The following FHIT variants were observed in gnomAD, a reference collection of about 807,000 sequenced individuals.
FHIT encodes the protein fragile histidine triad diadenosine triphosphatase.
FHIT carries 19 observed loss-of-function variants against 17.9 expected under a neutral mutation model. The observed-to-expected ratio is 1.06, with a 90% CI of 0.74 to 1.56. FHIT has a LOEUF of 1.56. Among genes scored for constraint, FHIT ranks in the 40% most tolerant of loss-of-function variants. The probability of loss-of-function intolerance (pLI) is 0.00; values close to 1 mark genes in which losing one functional copy is unlikely to be tolerated. For synonymous variants in FHIT, 81 were observed against 69.7 expected, an observed-to-expected ratio of 1.16 and a Z score of -0.81; for missense variants, 248 against 189.2, an observed-to-expected ratio of 1.31 and a Z score of -1.82.
At chr3:60,967,592 G>T (rs1709807521) in intron 3 of FHIT, among the ~76,000 whole-genome samples, 1 of 152,188 alleles carries the variant, frequency 6.6e-6, no homozygotes, top group Non-Finnish European at 1.5e-5. Flanking sequence ...AAGTATAGGG[G>T]ATTTCTGCTA....
intron 5 of FHIT, among the ~76,000 whole-genome samples, chr3:60,390,211 G>A (rs1238801539): frequency 6.6e-6 from 1 of 151,542 alleles, no homozygotes; most frequent in East Asian, 1.9e-4. Flanking sequence ...ACAATATATG[G>A]GTATCAGTAT....
chr3:60,357,416 T>C (rs771669481), intron 5 of FHIT, among the ~76,000 whole-genome samples: 93 of 152,074 alleles, frequency 6.1e-4, no homozygotes, highest in Non-Finnish European at 1.1e-3. Flanking sequence ...GCTAATTTTT[T>C]GTATTTTTAG....
At chr3:60,217,578 C>G (rs6776575) in intron 5 of FHIT, among the ~76,000 whole-genome samples, 9,474 of 152,236 alleles carry the variant, frequency 0.062, 418 homozygotes, top group Middle Eastern at 0.13. Context: ...AGTGGTCCCC[C>G]TTCCTTGTAG....
intron 2 of FHIT, among the ~76,000 whole-genome samples, chr3:61,158,970 T>C (rs1368990891): frequency 6.6e-6 from 1 of 152,240 alleles, no homozygotes; most frequent in Non-Finnish European, 1.5e-5. Flanking sequence ...AGTCCCATGA[T>C]ATTAGACCAA....
At chr3:59,956,975 T>C (rs1707434911) in intron 7 of FHIT, among the ~76,000 whole-genome samples, 2 of 152,346 alleles carry the variant, frequency 1.3e-5, no homozygotes, top group South Asian at 2.1e-4. Context: ...ATATTGATTT[T>C]GAGACTTATT....
intron 8 of FHIT, among the ~76,000 whole-genome samples, chr3:59,856,458 G>A (rs1447957644): frequency 6.6e-6 from 1 of 152,160 alleles, no homozygotes; most frequent in Non-Finnish European, 1.5e-5. Flanking sequence ...CATAGATTCT[G>A]TAAATCAGTA....
At position 60,351,873 on chromosome 3, in the gene FHIT, C is replaced by T. The variant is rs146512660; in HGVS notation, c.103+184987G>A. ...CCTTCCTTCTCAGTCCTAGACCTGGCTAACCCCTGTGCCCTCTAAAGATTT... is the reference window on the plus strand; with the variant it reads ...CCTTCCTTCTCAGTCCTAGACCTGGTTAACCCCTGTGCCCTCTAAAGATTT... On this transcript the variant is annotated intron_variant, in intron 5 of 9. Coordinates refer to ENST00000492590, the MANE Select transcript of FHIT (RefSeq NM_002012.4). 3.1e-3 allele frequency among the ~76,000 whole-genome samples: 476 copies of T among 151,764 alleles called. 1 individual carries two copies. Among genetic ancestry groups the T allele is most frequent in the African/African-American group, 0.011 (451 of 41,408 alleles).
At chr3:60,068,238 A>AAAAACAAAAC (rs879839534) in intron 5 of FHIT, among the ~76,000 whole-genome samples, 1 of 152,164 alleles carries the variant, frequency 6.6e-6, no homozygotes. Context: ...CTGCCTCAAA[A>AAAAACAAAAC]AAAACAAAAC....
intron 5 of FHIT, among the ~76,000 whole-genome samples, chr3:60,182,098 T>C (rs1701964825): frequency 6.6e-6 from 1 of 152,228 alleles, no homozygotes; most frequent in Non-Finnish European, 1.5e-5. Context: ...TTCTAGGCTG[T>C]TGCCATGGCA....
At chr3:59,937,814 C>A (rs1706315818) in intron 7 of FHIT, among the ~76,000 whole-genome samples, 1 of 152,114 alleles carries the variant, frequency 6.6e-6, no homozygotes, top group Non-Finnish European at 1.5e-5. Flanking sequence ...TAATCCAAAT[C>A]CTGCTTTTCT....
intron 7 of FHIT, among the ~76,000 whole-genome samples, chr3:59,958,087 G>A (rs1215201381): frequency 1.3e-5 from 2 of 152,176 alleles, no homozygotes; most frequent in Non-Finnish European, 2.9e-5. Flanking sequence ...ATTCAGCATA[G>A]GTAGCCATAT....
At chr3:60,689,177 T>C (rs1420362604) in intron 4 of FHIT, among the ~76,000 whole-genome samples, 2 of 152,202 alleles carry the variant, frequency 1.3e-5, no homozygotes, top group African/African-American at 4.8e-5. Context: ...AGATGTGACT[T>C]GCTCCTCCTT....
At chr3:60,384,097 G>A (rs567102509) in intron 5 of FHIT, among the ~76,000 whole-genome samples, 26 of 151,934 alleles carry the variant, frequency 1.7e-4, no homozygotes, top group South Asian at 8.3e-4. Flanking sequence ...GTGAAACCCC[G>A]TCGCTACTAA....
chr3:60,201,413 T>A (rs916796877), intron 5 of FHIT, among the ~76,000 whole-genome samples: 5 of 152,044 alleles, frequency 3.3e-5, no homozygotes, highest in African/African-American at 1.2e-4. Context: ...ACTCCTAGGC[T>A]CAAGTGATCC....
At chr3:60,086,740 G>T (rs1371738703) in intron 5 of FHIT, among the ~76,000 whole-genome samples, 2 of 152,184 alleles carry the variant, frequency 1.3e-5, no homozygotes, top group Non-Finnish European at 2.9e-5. Flanking sequence ...CAAGGGGTGG[G>T]CTCCTAATGC....
At chr3:59,939,808 C>T (rs2107263054) in intron 7 of FHIT, among the ~76,000 whole-genome samples, 1 of 152,120 alleles carries the variant, frequency 6.6e-6, no homozygotes, top group South Asian at 2.1e-4. Flanking sequence ...AATGTCACAC[C>T]CTCACCGGCA....
chr3:60,369,146 T>A (rs532831272), intron 5 of FHIT, among the ~76,000 whole-genome samples: 1 of 150,380 alleles, frequency 6.6e-6, no homozygotes, highest in South Asian at 2.1e-4. Flanking sequence ...CTAATTTTTT[T>A]ATTTTTTGTA....
At chr3:59,869,399 A>AC (rs1702807760) in intron 8 of FHIT, among the ~76,000 whole-genome samples, 1 of 152,024 alleles carries the variant, frequency 6.6e-6, no homozygotes, top group Non-Finnish European at 1.5e-5. Flanking sequence ...ATAGAAAAAA[A>AC]CCATCCTTCA....
chr3:61,024,086 A>G lies in FHIT; in HGVS notation c.-111+17961T>C, dbSNP rs1455557624. Among the ~76,000 whole-genome samples the G allele has an allele frequency of 2.6e-5, 4 of 152,102 alleles. No homozygotes were observed. In the East Asian group the frequency reaches 7.7e-4, roughly 29 times the overall value. On this transcript the variant is annotated intron_variant, in intron 3 of 9. Transcript: ENST00000492590. ...TTGGAGAAATAACATAGTATATTTTACAAAATGTAAATTTGTGATGCAAGC... is the reference window on the plus strand; with the variant it reads ...TTGGAGAAATAACATAGTATATTTTGCAAAATGTAAATTTGTGATGCAAGC...
Sources: gnomAD v4.1 joint callset for allele counts (sites outside exome capture counted in the v4.1 genomes callset) on GRCh38, gnomAD v4.1.1 for gene constraint, MANE v1.5 for transcripts, NCBI Gene and HGNC (gene_info 2026-07-23, HGNC 2026-07-21) for gene names.